Variants in TAB3 observed in about 807,000 individuals in gnomAD.
TAB3 encodes the protein TGF-beta-activated kinase 1 and MAP3K7-binding protein 3.
In TAB3, 18 loss-of-function variants were observed where a neutral mutation model predicts 48.1. That is an observed-to-expected ratio of 0.37 (90% CI 0.26 to 0.55). The LOEUF is 0.55. Among genes scored for constraint, TAB3 ranks in the 20% least tolerant of loss-of-function variants. The pLI, the probability that TAB3 is intolerant of heterozygous loss-of-function variation, is 0.78. For synonymous variants in TAB3, 185 were observed against 190.2 expected, an observed-to-expected ratio of 0.97 and a Z score of 0.22; for missense variants, 414 against 549.8, an observed-to-expected ratio of 0.75 and a Z score of 2.47.
intron 4 of TAB3, among the ~76,000 whole-genome samples, chrX:30,861,369 T>TC (rs1336472164): frequency 2.8e-5 from 3 of 106,785 alleles, no homozygotes; most frequent in Admixed American, 2.0e-4. Flanking sequence ...TCTCCTGCCA[T>TC]CCCCCCACCC....
intron 1 of TAB3, among the ~76,000 whole-genome samples, chrX:30,880,962 A>T (rs1009701133): frequency 1.2e-4 from 13 of 111,640 alleles, no homozygotes; most frequent in African/African-American, 3.6e-4. Context: ...CTCCAAGGTC[A>T]CAAAGACATT....
intron 2 of TAB3, among the ~76,000 whole-genome samples, chrX:30,867,870 A>G (rs1330200760): frequency 6.4e-5 from 7 of 109,955 alleles, no homozygotes; most frequent in Non-Finnish European, 1.3e-4. Flanking sequence ...CCTCCATTCT[A>G]TTTAGAAAAG....
In TAB3 at chrX:30,854,218, T is replaced by G; in HGVS notation, c.1447A>C (p.Ile483Leu). 1 of 1,211,668 alleles carries G rather than the reference T, an allele frequency of 8.3e-7. No individual in the cohort carries two copies. The highest frequency in any genetic ancestry group is 1.1e-6 in the Non-Finnish European group (1 of 895,510). The change falls in exon 6 of 11, where the codon ATT becomes CTT. Residue 483 changes from isoleucine (I) to leucine (L), a missense_variant. By Grantham distance (5) the Ile-to-Leu change is conservative (BLOSUM62 2). Transcript: ENST00000288422. ...QEERSAAPEPIQPISVIPGSG... is the reference protein window; with the variant it reads ...QEERSAAPEPLQPISVIPGSG... ...CCTGGTATCACTGAAATGGGCTGAA[T>G]AGGTTCTGGTGCTGCAGAGCGCTCT...
Position 30,828,348 on chromosome X carries a change from TA to T in TAB3, c.*3078del, listed in dbSNP as rs1484005055. ...AAATTGAGACCAGCTCCTTAAAAATTAAACTGCTTATCACACTTCCCATTTC... is the reference window on the plus strand; with the variant it reads ...AAATTGAGACCAGCTCCTTAAAAATTAACTGCTTATCACACTTCCCATTTC... On this transcript the variant is annotated 3_prime_UTR_variant, in exon 11 of 11. Transcript: ENST00000288422. 8.8e-6 allele frequency: 1 copy of T among 113,879 alleles called. No individual in the cohort carries two copies. The highest frequency in any genetic ancestry group is 1.9e-5 in the Non-Finnish European group (1 of 53,307). The allele number at this position is 113,879 out of a possible 1,213,427, so 9.4% of individuals were successfully genotyped here. A position where few individuals can be genotyped will look rare whatever the true frequency, so the allele number is the denominator to read the frequency against.
chrX:30,835,424 C>CACTA (rs1938167255), intron 9 of TAB3: 1 of 117,920 alleles, frequency 8.5e-6, no homozygotes, highest in African/African-American at 3.2e-5. Context: ...TACCTTATCT[C>CACTA]ACTAACTCTT....
chrX:30,859,767 C>T, intron 4 of TAB3, 89 bp from the exon 5 acceptor site: 2 of 431,214 alleles, frequency 4.6e-6, no homozygotes, highest in Non-Finnish European at 8.0e-6. Context: ...GTAGTGGTGG[C>T]ATCTCCTCTA....
Position 30,828,339 on chromosome X carries a change from C to T in TAB3, c.*3088G>A, listed in dbSNP as rs773727956. On this transcript the variant is annotated 3_prime_UTR_variant, in exon 11 of 11. Transcript: ENST00000288422. The stretch of plus-strand genomic sequence containing the variant: ...AAAGTACTAAAATTGAGACCAGCTC[C>T]TTAAAAATTAAACTGCTTATCACAC... 6 of 113,818 alleles carry T rather than the reference C, an allele frequency of 5.3e-5. No individual in the cohort carries two copies. Among genetic ancestry groups the T allele is most frequent in the Non-Finnish European group, 1.1e-4 (6 of 53,289 alleles). The allele number at this position is 113,818 out of a possible 1,213,427, so 9.4% of individuals were successfully genotyped here.
intron 5 of TAB3, among the ~76,000 whole-genome samples, chrX:30,856,221 T>C (rs1369851032): frequency 8.9e-6 from 1 of 112,067 alleles, no homozygotes; most frequent in Admixed American, 9.5e-5. Context: ...TCCATGACTT[T>C]GCCCGAGTTA....
At chrX:30,878,723 A>C (rs1184910533) in intron 1 of TAB3, among the ~76,000 whole-genome samples, 1 of 111,579 alleles carries the variant, frequency 9.0e-6, no homozygotes. Context: ...AGTAAGTCTC[A>C]GGGCATTTTA....
At chrX:30,847,206 T>A (rs936602593) in intron 7 of TAB3, among the ~76,000 whole-genome samples, 2 of 111,432 alleles carry the variant, frequency 1.8e-5, no homozygotes, top group African/African-American at 3.3e-5. Context: ...AGCCAGGATT[T>A]ATATAAAAGA....
At chrX:30,867,885 G>T (rs997826421) in intron 2 of TAB3, among the ~76,000 whole-genome samples, 2 of 108,784 alleles carry the variant, frequency 1.8e-5, no homozygotes, top group Non-Finnish European at 3.8e-5. Flanking sequence ...GAAAAGAGAG[G>T]ATTAAGCCCA....
rs1354607306 is a variant in TAB3 at position 30,854,921 on chromosome X, C to T, written c.744G>A (p.Thr248=). The T allele has an allele frequency of 2.7e-5, 32 of 1,206,517 alleles. No individual in the cohort carries two copies. The highest frequency in any genetic ancestry group is 1.2e-4 in the African/African-American group (7 of 56,871). Residue 248 remains threonine (T), a synonymous_variant, in exon 6 of 11, where the codon ACG becomes ACA. Transcript: ENST00000288422. ...SSSGRQTPQS[T]PWQSSPQGPV... is the part of the protein sequence containing the mutation. ...GGCCCTGTGGTGAGGACTGCCACGG[C>T]GTACTCTGAGGAGTTTGTCTTCCTG...
intron 1 of TAB3, among the ~76,000 whole-genome samples, chrX:30,879,406 G>A (rs1056292595): frequency 5.4e-5 from 6 of 112,053 alleles, no homozygotes; most frequent in African/African-American, 1.6e-4. Context: ...AGTAAAATTA[G>A]AGGAAAATGT....
rs765708885 is a variant in TAB3, at chrX:30,852,921, G to C, written c.1567C>G (p.Arg523Gly). The C allele has an allele frequency of 8.3e-7, 1 of 1,208,482 alleles. No homozygotes were observed. Among genetic ancestry groups the C allele is most frequent in the African/African-American group, 1.7e-5 (1 of 57,181 alleles). ...AYTQALLLHQ[R>G]ARMERLAKQL... ...TTTGCTAACCTCTCCATCCTTGCTC[G>C]TTGATGTAACAGCAAGGCTACAGCA... Residue 523 changes from arginine to glycine, a missense_variant, in exon 7 of 11, where the codon CGA (arginine) becomes GGA (glycine). Transcript: ENST00000288422.
rs992081318 is a variant in TAB3 at position 30,832,836 on chromosome X, C to T, written c.1990+1215G>A. 5.4e-5 allele frequency among the ~76,000 whole-genome samples: 6 copies of T among 111,868 alleles called. No individual in the cohort carries two copies. The East Asian group carries it at 8.4e-4, about 16-fold the overall frequency. On this transcript the variant is annotated intron_variant, in intron 10 of 10. Transcript: ENST00000288422. ...GCTTCAACTATTGCTTTTTAACTGC[C>T]ATTATCACCCACCTTGTGTCTTTTG...
chrX:30,859,825 C>T (rs1033975409), intron 4 of TAB3, 147 bp from the exon 5 acceptor site: 1 of 380,017 alleles, frequency 2.6e-6, no homozygotes, highest in African/African-American at 2.6e-5. Flanking sequence ...CCTTGCCTCT[C>T]CCCTCCACAA....
chrX:30,868,421 T>TTA lies in TAB3; in HGVS notation c.-279-874_-279-873dup, dbSNP rs202194789. Among the ~76,000 whole-genome samples the TTA allele has an allele frequency of 5.0e-5, 2 of 39,937 alleles. 1 individual carries two copies. Among genetic ancestry groups the TTA allele is most frequent in the East Asian group, 1.6e-3 (2 of 1,239 alleles). 34.7% of individuals were successfully genotyped at this position (39,937 alleles called of 115,157 possible). ...TATATATAGCTTATATATATATAGC[T>TTA]TATATATATATATAGCTTATATATA... is the stretch of plus-strand genomic sequence containing the variant. On this transcript the variant is annotated intron_variant, in intron 2 of 10. Transcript: ENST00000288422.
rs1049325073 is a variant in TAB3, at chrX:30,858,701, G to A, written c.102+786C>T. ...TAAGTGCCATAACCCAAAACACTAA[G>A]ATCCTGTGAAGGATTATATAAAACA... On this transcript the variant is annotated intron_variant, in intron 5 of 10. Coordinates refer to ENST00000288422, the MANE Select transcript of TAB3 (RefSeq NM_152787.5). 2.7e-5 allele frequency among the ~76,000 whole-genome samples: 3 copies of A among 111,739 alleles called. No individual in the cohort carries two copies. In the East Asian group the frequency reaches 8.4e-4, roughly 31 times the overall value.
chrX:30,835,984 C>G (rs890402402), intron 9 of TAB3: 3 of 111,773 alleles, frequency 2.7e-5, no homozygotes, highest in Non-Finnish European at 3.8e-5. Flanking sequence ...AATAGCAGGC[C>G]AATCTGTGCT....
Sources: gnomAD v4.1 joint callset for allele counts (sites outside exome capture counted in the v4.1 genomes callset) on GRCh38, gnomAD v4.1.1 for gene constraint, MANE v1.5 for transcripts, NCBI Gene and HGNC (gene_info 2026-07-23, HGNC 2026-07-21) for gene names.